PHF14: variants seen among roughly 807,000 people sequenced by gnomAD.
PHF14 encodes the protein PHD finger protein 14.
In PHF14, 55 loss-of-function variants were observed where a neutral mutation model predicts 117.9. That is an observed-to-expected ratio of 0.47 (90% confidence interval 0.38 to 0.58). The LOEUF (loss-of-function observed/expected upper bound fraction) is 0.58. PHF14 is among the 20% of genes least tolerant of loss of function. The pLI is 0.00. For synonymous variants in PHF14, 409 were observed against 368.6 expected, an observed-to-expected ratio of 1.11 and a Z score of -1.26; for missense variants, 978 against 1,122.2, an observed-to-expected ratio of 0.87 and a Z score of 1.84.
At position 11,037,123 on chromosome 7, in the gene PHF14, T is replaced by G. The variant is rs140814915; in HGVS notation, c.1980+32T>G. On this transcript the variant is annotated intron_variant, in intron 10 of 17. Coordinates refer to ENST00000634607, the MANE Select transcript of PHF14 (RefSeq NM_001007157.2). The stretch of plus-strand genomic sequence containing the variant: ...TAGCTACAAAATATGCAACATAATG[T>G]GATAGATCTTACTGATGATTTCTTT... 4.9e-4 allele frequency: 708 copies of G among 1,447,672 alleles called. 5 individuals carry two copies. The African/African-American group carries it at 9.4e-3, about 19-fold the overall frequency. The allele number at this position is 1,447,672 out of a possible 1,614,324, so 89.7% of individuals were successfully genotyped here. A position where few individuals can be genotyped will look rare whatever the true frequency, so the allele number is the denominator to read the frequency against.
At chr7:11,145,343 A>C (rs28501468) in intron 17 of PHF14, among the ~76,000 whole-genome samples, 15,972 of 152,028 alleles carry the variant, frequency 0.11, 1,031 homozygotes, top group African/African-American at 0.18. Flanking sequence ...AGGAGGAAAA[A>C]CAGTTCTTCC....
chr7:11,124,990 T>C (rs1192715299), intron 17 of PHF14, among the ~76,000 whole-genome samples: 6 of 152,166 alleles, frequency 3.9e-5, no homozygotes, highest in African/African-American at 1.4e-4. Flanking sequence ...TATGGTATGG[T>C]GTGGGAAGAT....
intron 16 of PHF14, among the ~76,000 whole-genome samples, chr7:11,071,027 A>G (rs948450384): frequency 3.9e-5 from 6 of 152,226 alleles, no homozygotes; most frequent in Non-Finnish European, 8.8e-5. Context: ...ATAATAGGTG[A>G]CAAATAGTGG....
chr7:10,981,191 A>G (rs914885106), intron 2 of PHF14, among the ~76,000 whole-genome samples: 5 of 152,156 alleles, frequency 3.3e-5, no homozygotes, highest in African/African-American at 1.2e-4. Flanking sequence ...GGTTAAGCCT[A>G]GTTGAGTTAA....
intron 8 of PHF14, among the ~76,000 whole-genome samples, chr7:11,036,137 A>T (rs771243244): frequency 9.2e-5 from 14 of 152,152 alleles, no homozygotes; most frequent in Non-Finnish European, 1.6e-4. Context: ...CATTAAACCT[A>T]TGGAGACAAT....
chr7:10,986,718 T>C (rs1782238990), intron 3 of PHF14, among the ~76,000 whole-genome samples: 2 of 152,244 alleles, frequency 1.3e-5, no homozygotes, highest in South Asian at 4.1e-4. Context: ...CTTAAGATTA[T>C]CTTGCCCTTT....
chr7:11,153,814 A>G (rs1788767933), intron 17 of PHF14, among the ~76,000 whole-genome samples: 1 of 152,152 alleles, frequency 6.6e-6, no homozygotes, highest in Non-Finnish European at 1.5e-5. Context: ...GTTTTCTCAC[A>G]TTGTCAGTGT....
At chr7:11,155,604 T>G (rs1384585819) in intron 17 of PHF14, among the ~76,000 whole-genome samples, 1 of 152,168 alleles carries the variant, frequency 6.6e-6, no homozygotes, top group Admixed American at 6.5e-5. Context: ...GGGACTTTGC[T>G]GAAATTTTTA....
chr7:11,049,433 C>T (rs1304323984), intron 13 of PHF14, among the ~76,000 whole-genome samples: 6 of 149,794 alleles, frequency 4.0e-5, no homozygotes, highest in African/African-American at 1.2e-4. Flanking sequence ...CGAGATCGTG[C>T]CACTGGACTC....
chr7:11,072,412 G>A (rs763137020), intron 16 of PHF14, among the ~76,000 whole-genome samples: 11 of 152,144 alleles, frequency 7.2e-5, no homozygotes, highest in Non-Finnish European at 1.5e-4. Context: ...TTCAACATGA[G>A]ATTTGAGTGG....
At chr7:10,998,955 T>C (rs1395030434) in intron 4 of PHF14, among the ~76,000 whole-genome samples, 2 of 152,216 alleles carry the variant, frequency 1.3e-5, no homozygotes, top group African/African-American at 2.4e-5. Context: ...TTTTGAGTAA[T>C]TGAATTGGTT....
intron 16 of PHF14, among the ~76,000 whole-genome samples, chr7:11,072,247 G>C (rs1583436107): frequency 6.6e-6 from 1 of 152,222 alleles, no homozygotes; most frequent in East Asian, 1.9e-4. Flanking sequence ...AGAGAGATGT[G>C]AGAGATGCTG....
chr7:11,018,753 C>T (rs557662663), intron 5 of PHF14, among the ~76,000 whole-genome samples: 6 of 152,034 alleles, frequency 3.9e-5, no homozygotes, highest in Non-Finnish European at 8.8e-5. Flanking sequence ...GTCTGATTGC[C>T]GGAAGCTAGG....
chr7:11,074,103 G>A (rs1476260374), intron 16 of PHF14, among the ~76,000 whole-genome samples: 1 of 152,090 alleles, frequency 6.6e-6, no homozygotes, highest in Non-Finnish European at 1.5e-5. Flanking sequence ...CCCATGTCTT[G>A]GCTATTATCA....
chr7:11,091,409 A>G (rs551540925), intron 16 of PHF14, among the ~76,000 whole-genome samples: 2 of 152,268 alleles, frequency 1.3e-5, no homozygotes, highest in African/African-American at 4.8e-5. Flanking sequence ...GTTTTTTTTA[A>G]AGGTCTACTG....
rs148134928 is a variant in PHF14, at chr7:11,150,234, G to A, written c.2773-19182G>A. 5.2e-3 allele frequency among the ~76,000 whole-genome samples: 797 copies of A among 152,208 alleles called. 7 individuals are homozygous for A. Among genetic ancestry groups the A allele is most frequent in the African/African-American group, 0.019 (772 of 41,550 alleles). ...AGAACATCCAAGAGAGCTACAATAC[G>A]CATTAGAATGCTTATGGTTATTGTT... On this transcript the variant is annotated intron_variant, in intron 17 of 17. Coordinates refer to ENST00000634607, the MANE Select transcript of PHF14 (RefSeq NM_001007157.2).
chr7:11,055,092 G>A (rs1036155272), intron 14 of PHF14, among the ~76,000 whole-genome samples: 3 of 151,916 alleles, frequency 2.0e-5, no homozygotes, highest in African/African-American at 4.8e-5. Flanking sequence ...TAGAATTATT[G>A]TAAAGGCAGC....
intron 16 of PHF14, among the ~76,000 whole-genome samples, chr7:11,090,586 C>T (rs576238357): frequency 1.3e-5 from 2 of 152,164 alleles, no homozygotes; most frequent in East Asian, 1.9e-4. Flanking sequence ...GCATTGAGCA[C>T]GTTGACTGAA....
intron 16 of PHF14, chr7:11,105,761 G>A (rs559534595): frequency 1.1e-5 from 11 of 984,770 alleles, no homozygotes; most frequent in East Asian, 1.1e-4. Flanking sequence ...TAGGCCTGCC[G>A]ATAAGATTCA....
Sources: allele counts gnomAD v4.1 joint callset (sites outside exome capture counted in the v4.1 genomes callset), GRCh38; gene constraint gnomAD v4.1.1; transcripts MANE v1.5; gene names NCBI Gene and HGNC (gene_info 2026-07-23, HGNC 2026-07-21).